WWOX: variants seen among roughly 807,000 people sequenced by gnomAD.
WWOX encodes the protein WW domain-containing oxidoreductase.
Under a neutral mutation model 46.2 loss-of-function variants are expected in WWOX, and 69 were observed. The observed-to-expected ratio is 1.49, with a 90% CI of 1.23 to 1.82. The LOEUF is 1.82. Among genes scored for constraint, WWOX ranks in the 40% most tolerant of loss-of-function variants. WWOX has a pLI of 0.00. For missense variants in WWOX, 919 were observed against 542.6 expected, an observed-to-expected ratio of 1.69 and a Z score of -6.89; for synonymous variants, 359 against 202.6, an observed-to-expected ratio of 1.77 and a Z score of -6.56.
At chr16:78,404,997 G>A (rs954011545) in intron 6 of WWOX, among the ~76,000 whole-genome samples, 1 of 152,190 alleles carries the variant, frequency 6.6e-6, no homozygotes, top group South Asian at 2.1e-4. Context: ...AACCATCTTG[G>A]AGAGCATGTG....
chr16:79,196,172 C>G (rs928556910), intron 8 of WWOX, among the ~76,000 whole-genome samples: 1 of 152,188 alleles, frequency 6.6e-6, no homozygotes, highest in Non-Finnish European at 1.5e-5. Flanking sequence ...CTGTTCTTCA[C>G]CTGTTGGTGA....
chr16:78,142,903 A>G (rs182690577), intron 4 of WWOX, among the ~76,000 whole-genome samples: 8 of 152,374 alleles, frequency 5.3e-5, no homozygotes, highest in East Asian at 3.9e-4. Context: ...ATCATATGAC[A>G]TGGAGTCTTA....
intron 8 of WWOX, among the ~76,000 whole-genome samples, chr16:79,162,658 C>CT (rs1423098778): frequency 2.6e-5 from 4 of 152,210 alleles, no homozygotes; most frequent in Non-Finnish European, 4.4e-5. Flanking sequence ...TGCTTTCATC[C>CT]TTATGCTCTC....
chr16:78,320,407 A>T (rs538118723), intron 5 of WWOX, among the ~76,000 whole-genome samples: 4 of 152,210 alleles, frequency 2.6e-5, no homozygotes, highest in African/African-American at 4.8e-5. Flanking sequence ...ACGGTTGAAC[A>T]TGACTGAACT....
At chr16:78,801,215 C>T (rs1206419527) in intron 8 of WWOX, among the ~76,000 whole-genome samples, 2 of 151,890 alleles carry the variant, frequency 1.3e-5, no homozygotes, top group Admixed American at 6.6e-5. Context: ...ACAAACACCA[C>T]TCACCATTTT....
chr16:78,799,133 C>G (rs1323394648), intron 8 of WWOX, among the ~76,000 whole-genome samples: 3 of 151,848 alleles, frequency 2.0e-5, no homozygotes, highest in Non-Finnish European at 4.4e-5. Context: ...TGGTTCCTGG[C>G]ATTTGTGTCT....
At chr16:78,379,768 G>A (rs983041545) in intron 5 of WWOX, among the ~76,000 whole-genome samples, 1 of 152,158 alleles carries the variant, frequency 6.6e-6, no homozygotes, top group African/African-American at 2.4e-5. Flanking sequence ...AATTAACAAT[G>A]ATTGTAAAGT....
intron 8 of WWOX, among the ~76,000 whole-genome samples, chr16:78,639,208 G>C (rs577087892): frequency 4.6e-5 from 7 of 152,294 alleles, no homozygotes; most frequent in African/African-American, 1.7e-4. Flanking sequence ...AAGTACTTCT[G>C]CATGTGCGCA....
Position 78,347,980 on chromosome 16 carries a change from T to G in WWOX, c.517-38880T>G, listed in dbSNP as rs2081121334. On this transcript the variant is annotated intron_variant, in intron 5 of 8. Coordinates refer to ENST00000566780, the MANE Select transcript of WWOX (RefSeq NM_016373.4). ...CTGAAAGGCCAAGAGTAAGATTCTT[T>G]TAAAATCATGCCCAAGTTTTAAAGG... Among the ~76,000 whole-genome samples, 2 of 122,938 alleles carry G rather than the reference T, an allele frequency of 1.6e-5. 1 individual carries two copies. Among genetic ancestry groups the G allele is most frequent in the Non-Finnish European group, 3.9e-5 (2 of 51,198 alleles). The allele number at this position is 122,938 out of a possible 152,430, so 80.7% of individuals were successfully genotyped here. A position where few individuals can be genotyped will look rare whatever the true frequency, so the allele number is the denominator to read the frequency against.
intron 8 of WWOX, among the ~76,000 whole-genome samples, chr16:78,724,236 T>G (rs2142362703): frequency 1.3e-5 from 2 of 152,324 alleles, no homozygotes; most frequent in East Asian, 3.9e-4. Flanking sequence ...TTGAGCAGTC[T>G]TCTAGGGCCT....
intron 5 of WWOX, among the ~76,000 whole-genome samples, chr16:78,349,783 G>GT (rs2081154252): frequency 8.3e-6 from 1 of 121,120 alleles, no homozygotes; most frequent in African/African-American, 2.8e-5. Flanking sequence ...GACAAATTCA[G>GT]TGTAGAAATA....
chr16:78,202,028 T>C (rs561248517), intron 5 of WWOX, among the ~76,000 whole-genome samples: 1 of 152,252 alleles, frequency 6.6e-6, no homozygotes, highest in African/African-American at 2.4e-5. Flanking sequence ...TGATTTTTCC[T>C]CTTTAAACTC....
chr16:78,287,177 A>G (rs2079782792), intron 5 of WWOX, among the ~76,000 whole-genome samples: 1 of 152,274 alleles, frequency 6.6e-6, no homozygotes, highest in African/African-American at 2.4e-5. Flanking sequence ...AAAATAAAAT[A>G]CATTTCTCCA....
At chr16:78,428,452 A>G (rs1398432682) in intron 7 of WWOX, among the ~76,000 whole-genome samples, 14 of 152,188 alleles carry the variant, frequency 9.2e-5, no homozygotes, top group South Asian at 2.1e-4. Context: ...GTGAGGAAGG[A>G]AATCAGGGGT....
intron 4 of WWOX, among the ~76,000 whole-genome samples, chr16:78,130,762 T>C (rs2033557496): frequency 6.6e-6 from 1 of 152,230 alleles, no homozygotes; most frequent in Non-Finnish European, 1.5e-5. Flanking sequence ...TATTGACTAC[T>C]GAGTACCAGG....
At chr16:78,862,996 G>T (rs754713116) in intron 8 of WWOX, among the ~76,000 whole-genome samples, 3 of 134,710 alleles carry the variant, frequency 2.2e-5, no homozygotes, top group African/African-American at 5.7e-5. Context: ...GTCTTGCTCT[G>T]TTGCCAGGGT....
intron 8 of WWOX, among the ~76,000 whole-genome samples, chr16:78,451,741 G>C (rs1194531950): frequency 6.6e-6 from 1 of 152,168 alleles, no homozygotes; most frequent in Non-Finnish European, 1.5e-5. Context: ...GAATTTTGCT[G>C]ACATCTTACT....
intron 5 of WWOX, among the ~76,000 whole-genome samples, chr16:78,307,028 T>C (rs1419432203): frequency 6.6e-6 from 1 of 152,234 alleles, no homozygotes; most frequent in Non-Finnish European, 1.5e-5. Context: ...ATTATATCTT[T>C]GTTAGATAAT....
intron 8 of WWOX, among the ~76,000 whole-genome samples, chr16:78,859,045 TATATG>T (rs2052650938): frequency 8.2e-5 from 2 of 24,458 alleles, no homozygotes; most frequent in Non-Finnish European, 2.2e-4. Context: ...TATATATATA[TATATG>T]TATATATATA....
Sources: allele counts gnomAD v4.1 joint callset (sites outside exome capture counted in the v4.1 genomes callset), GRCh38; gene constraint gnomAD v4.1.1; transcripts MANE v1.5; gene names NCBI Gene and HGNC (gene_info 2026-07-23, HGNC 2026-07-21).